Variants in ITSN1 observed in about 807,000 individuals in gnomAD.
ITSN1 encodes the protein intersectin-1.
Under a neutral mutation model 239.8 loss-of-function variants are expected in ITSN1, and 58 were observed. That is an observed-to-expected ratio of 0.24 (90% CI 0.20 to 0.30). The LOEUF is 0.30. Among genes scored for constraint, ITSN1 ranks in the 10% least tolerant of loss-of-function variants. The pLI is 1.00. For synonymous variants in ITSN1, 780 were observed against 770.8 expected (o/e 1.01, Z -0.20); for missense variants, 1,558 against 2,103.3 (o/e 0.74, Z 5.07).
chr21:33,781,406 G>T, intron 14 of ITSN1, 55 bp from the exon 15 acceptor site: 1 of 927,410 alleles, frequency 1.1e-6, no homozygotes, highest in South Asian at 1.4e-5. Flanking sequence ...GGATCTTAAT[G>T]TAGATGTGGT....
rs557248246 is a variant in ITSN1, at chr21:33,727,253, A to G, written c.185+4602A>G. Among the ~76,000 whole-genome samples, 5 of 152,206 alleles carry G rather than the reference A, an allele frequency of 3.3e-5. No individual in the cohort carries two copies. The South Asian group carries it at 6.2e-4, about 19-fold the overall frequency. ...TGCTTAGAATTTTTTCAACTTTGCTATGATGTGGAGGGGAGGAGAATAAAG... is the reference window on the plus strand; with the variant it reads ...TGCTTAGAATTTTTTCAACTTTGCTGTGATGTGGAGGGGAGGAGAATAAAG... On this transcript the variant is annotated intron_variant, in intron 4 of 39. Transcript: ENST00000381318.
Position 33,885,034 on chromosome 21 carries a change from G to A in ITSN1, c.4677-7G>A, listed in dbSNP as rs145919685. Reference sequence around the variant, plus strand: ...GTTTGGCAACTTTCTGTCTTTTTCTGTCCAAGGACTGCCTGGGTGCAGAAA... The same window carrying A: ...GTTTGGCAACTTTCTGTCTTTTTCTATCCAAGGACTGCCTGGGTGCAGAAA... On this transcript the variant is annotated splice_region_variant and splice_polypyrimidine_tract_variant and intron_variant, in intron 36 of 39. Transcript: ENST00000381318. 5.3e-5 allele frequency: 85 copies of A among 1,613,276 alleles called. No individual in the cohort carries two copies. The African/African-American group carries it at 7.5e-4, about 14-fold the overall frequency.
chr21:33,657,018 G>T (rs2089151251), intron 1 of ITSN1, among the ~76,000 whole-genome samples: 1 of 152,148 alleles, frequency 6.6e-6, no homozygotes, highest in African/African-American at 2.4e-5. Context: ...ACCATGTCCG[G>T]CCTTTTTTAA....
chr21:33,824,066 A>T (rs1369688652), intron 25 of ITSN1, among the ~76,000 whole-genome samples: 1 of 152,242 alleles, frequency 6.6e-6, no homozygotes, highest in Non-Finnish European at 1.5e-5. Context: ...TAATCGCCCC[A>T]GAATATTGGA....
chr21:33,656,238 C>T (rs866147600), intron 1 of ITSN1, among the ~76,000 whole-genome samples: 22 of 151,884 alleles, frequency 1.4e-4, no homozygotes, highest in Non-Finnish European at 2.5e-4. Flanking sequence ...TACCTAAACT[C>T]GTGGAATTAA....
At chr21:33,696,720 C>T (rs945535878) in intron 1 of ITSN1, among the ~76,000 whole-genome samples, 1 of 152,106 alleles carries the variant, frequency 6.6e-6, no homozygotes, top group Non-Finnish European at 1.5e-5. Context: ...CTTTCTTGCC[C>T]TTTTCGGTGT....
intron 24 of ITSN1, among the ~76,000 whole-genome samples, chr21:33,820,836 C>T (rs1476832060): frequency 6.6e-6 from 1 of 151,398 alleles, no homozygotes; most frequent in Non-Finnish European, 1.5e-5. Flanking sequence ...TAAAAAGCAA[C>T]TTATGCACCT....
intron 19 of ITSN1, among the ~76,000 whole-genome samples, chr21:33,800,796 T>C (rs2071933543): frequency 6.6e-6 from 1 of 152,124 alleles, no homozygotes; most frequent in Non-Finnish European, 1.5e-5. Context: ...TTTTTTTTTT[T>C]TTTAAAGATA....
chr21:33,733,874 C>T (rs1023005585), intron 4 of ITSN1, among the ~76,000 whole-genome samples: 2 of 152,108 alleles, frequency 1.3e-5, no homozygotes, highest in African/African-American at 4.8e-5. Flanking sequence ...CTAAAATGTG[C>T]CAACTTTTAC....
In ITSN1 at chr21:33,794,554, C is replaced by T. The variant is rs759607060; in HGVS notation, c.1952+86C>T. The T allele has an allele frequency of 8.9e-5, 134 of 1,513,888 alleles. 1 individual carries two copies. The highest frequency in any genetic ancestry group is 1.2e-4 in the Non-Finnish European group (131 of 1,129,736). The allele number at this position is 1,513,888 out of a possible 1,614,324, so 93.8% of individuals were successfully genotyped here. A position where few individuals can be genotyped will look rare whatever the true frequency, so the allele number is the denominator to read the frequency against. The stretch of plus-strand genomic sequence containing the variant: ...GCTTGGCTTCTCCAAGTAGTTACTG[C>T]ACCAGAAAGAGCCTTCAGTCTTTAG... On this transcript the variant is annotated intron_variant, in intron 17 of 39. Coordinates refer to ENST00000381318, the MANE Select transcript of ITSN1 (RefSeq NM_003024.3).
chr21:33,807,748 C>T (rs918952275), intron 20 of ITSN1, among the ~76,000 whole-genome samples: 4 of 152,156 alleles, frequency 2.6e-5, no homozygotes, highest in East Asian at 1.9e-4. Flanking sequence ...TAGGAGTTCC[C>T]GTCGATCAAG....
intron 24 of ITSN1, among the ~76,000 whole-genome samples, chr21:33,820,888 A>G (rs973825507): frequency 3.3e-5 from 5 of 152,188 alleles, no homozygotes; most frequent in Non-Finnish European, 7.4e-5. Context: ...GTTACATCCA[A>G]TCAAGGCTCA....
In ITSN1 at chr21:33,778,571, C is replaced by CTTTTTTTTTTTTTT. The variant is rs397948229; in HGVS notation, c.1597-2878_1597-2865dup. Among the ~76,000 whole-genome samples the CTTTTTTTTTTTTTT allele has an allele frequency of 1.1e-4, 7 of 63,952 alleles. 1 individual carries two copies. The highest frequency in any genetic ancestry group is 1.0e-3 in the East Asian group (2 of 1,912). 42.0% of individuals were successfully genotyped at this position (63,952 alleles called of 152,430 possible). A position where few individuals can be genotyped will look rare whatever the true frequency, so the allele number is the denominator to read the frequency against. ...TGTATAAAGTTGTTTATAATATTCT[C>CTTTTTTTTTTTTTT]TTTTTTTTTTTTTTTTTTTTTTTTT... On this transcript the variant is annotated intron_variant, in intron 14 of 39. Coordinates refer to ENST00000381318, the MANE Select transcript of ITSN1 (RefSeq NM_003024.3).
chr21:33,695,780 T>G (rs1251371287), intron 1 of ITSN1, among the ~76,000 whole-genome samples: 1 of 152,220 alleles, frequency 6.6e-6, no homozygotes, highest in African/African-American at 2.4e-5. Flanking sequence ...CGTTCTTTTC[T>G]GTACTTTAAT....
Position 33,849,685 on chromosome 21 carries a change from G to T in ITSN1, c.3662-7051G>T, listed in dbSNP as rs1292496011. On this transcript the variant is annotated intron_variant, in intron 29 of 39. Transcript: ENST00000381318. ...GTAATTGGATTGTTTGTAACACAAA[G>T]GATAAATGCTTGAGGGGACGGATAC... Among the ~76,000 whole-genome samples, 3 of 152,010 alleles carry T rather than the reference G, an allele frequency of 2.0e-5. No individual in the cohort carries two copies. The South Asian group carries it at 6.2e-4, about 32-fold the overall frequency.
chr21:33,824,116 A>G (rs1192234278), intron 25 of ITSN1, among the ~76,000 whole-genome samples: 2 of 152,228 alleles, frequency 1.3e-5, no homozygotes, highest in Non-Finnish European at 2.9e-5. Flanking sequence ...TTTTGCCCAC[A>G]CAGTAGAAAG....
intron 11 of ITSN1, among the ~76,000 whole-genome samples, chr21:33,770,420 T>G (rs2069068137): frequency 1.3e-5 from 2 of 152,166 alleles, no homozygotes; most frequent in Admixed American, 1.3e-4. Flanking sequence ...ATTAGGGTAA[T>G]TAGGGCTTAA....
At chr21:33,883,721 G>A (rs752932745) in intron 36 of ITSN1, 50 bp downstream of exon 36, 1 of 1,597,600 alleles carries the variant, frequency 6.3e-7, no homozygotes, top group Non-Finnish European at 8.5e-7. Context: ...CACGGCTCTA[G>A]GACACACAAG....
chr21:33,865,376 G>A lies in ITSN1; in HGVS notation c.4074+42G>A, dbSNP rs776189103. The A allele has an allele frequency of 1.4e-6, 2 of 1,438,074 alleles. No individual in the cohort carries two copies. Among genetic ancestry groups the A allele is most frequent in the South Asian group, 1.4e-5 (1 of 71,552 alleles). 89.1% of individuals were successfully genotyped at this position (1,438,074 alleles called of 1,614,324 possible). ...TGCAGAGACTGGGCCCCAGAGTGGCGATCTTTGGGCAGCTGGATGTGTGAG... is the reference window on the plus strand; with the variant it reads ...TGCAGAGACTGGGCCCCAGAGTGGCAATCTTTGGGCAGCTGGATGTGTGAG... On this transcript the variant is annotated intron_variant, in intron 32 of 39. Coordinates refer to ENST00000381318, the MANE Select transcript of ITSN1 (RefSeq NM_003024.3). The surrounding 1 kb of genome is among the most constrained non-coding windows in gnomAD (Gnocchi z 4.4).
Sources: allele counts gnomAD v4.1 joint callset (sites outside exome capture counted in the v4.1 genomes callset), GRCh38; gene constraint gnomAD v4.1.1; non-coding constraint Gnocchi (gnomAD v3.1); transcripts MANE v1.5; gene names NCBI Gene and HGNC (gene_info 2026-07-23, HGNC 2026-07-21).